Variants in ZDHHC21 observed in about 807,000 individuals in gnomAD.
The protein encoded by ZDHHC21 is zDHHC palmitoyltransferase 21, also known as palmitoyltransferase ZDHHC21.
In ZDHHC21, 15 loss-of-function variants were observed where a neutral mutation model predicts 34.6. That is an observed-to-expected ratio of 0.43 (90% CI 0.29 to 0.67). The LOEUF is 0.67. Ranked by LOEUF, ZDHHC21 falls within the 30% of genes least tolerant of loss-of-function variation. ZDHHC21 has a pLI of 0.14. For missense variants in ZDHHC21, 344 were observed against 327.7 expected (o/e 1.05, Z -0.38); for synonymous variants, 142 against 101.8 (o/e 1.40, Z -2.38).
the ZDHHC21 span, among the ~76,000 whole-genome samples, chr9:14,605,497 C>CT: frequency 6.6e-6 from 1 of 152,120 alleles, no homozygotes; most frequent in East Asian, 1.9e-4. Flanking sequence ...GGAGAAATAT[C>CT]TATTAAAGTC....
At chr9:14,608,363 A>G (rs1210530588), downstream of ZDHHC21, among the ~76,000 whole-genome samples, 1 of 152,184 alleles carries the variant, frequency 6.6e-6, no homozygotes, top group Non-Finnish European at 1.5e-5. Flanking sequence ...ACTAAGAAAG[A>G]TAAATATCAC....
intron 8 of ZDHHC21, among the ~76,000 whole-genome samples, chr9:14,624,297 G>A (rs1220418543): frequency 2.0e-5 from 3 of 151,940 alleles, no homozygotes; most frequent in African/African-American, 7.3e-5. Flanking sequence ...TCCCTGTGGG[G>A]TCCAGAAATC....
intron 7 of ZDHHC21, among the ~76,000 whole-genome samples, chr9:14,640,568 T>A (rs183220619): frequency 6.6e-6 from 1 of 152,232 alleles, no homozygotes. Flanking sequence ...CATTCTTCCA[T>A]CCAGTCACCC....
intron 7 of ZDHHC21, among the ~76,000 whole-genome samples, chr9:14,650,013 C>T (rs957709030): frequency 6.6e-6 from 1 of 151,896 alleles, no homozygotes; most frequent in African/African-American, 2.4e-5. Flanking sequence ...ATAAAAACTG[C>T]TAAATTTTCT....
At chr9:14,678,462 T>G (rs916554886) in intron 3 of ZDHHC21, among the ~76,000 whole-genome samples, 6 of 151,950 alleles carry the variant, frequency 3.9e-5, no homozygotes, top group Non-Finnish European at 8.8e-5. Context: ...CATTACTGAT[T>G]AGGAATTAAC....
At position 14,651,323 on chromosome 9, in the gene ZDHHC21, C is replaced by T. The variant is rs192793054; in HGVS notation, c.504+7426G>A. Among the ~76,000 whole-genome samples the T allele has an allele frequency of 6.1e-3, 932 of 151,804 alleles. 15 individuals carry two copies. Among genetic ancestry groups the T allele is most frequent in the African/African-American group, 0.021 (879 of 41,448 alleles). On this transcript the variant is annotated intron_variant, in intron 7 of 9. Coordinates refer to ENST00000380916, the MANE Select transcript of ZDHHC21 (RefSeq NM_178566.6). ...AATATATTTAATATTATTAATCCTA[C>T]AATAATATTGCTAAAAAATTCCTTG...
At chr9:14,677,532 A>C (rs1836640625) in intron 3 of ZDHHC21, 1 of 152,008 alleles carries the variant, frequency 6.6e-6, no homozygotes, top group East Asian at 1.9e-4. Flanking sequence ...GGTCTTAAGG[A>C]CAGCATTCAT....
Position 14,666,556 on chromosome 9 carries a change from G to C in ZDHHC21, c.254-4230C>G, listed in dbSNP as rs1234286537. ...ATCAACAGAATATACATTTTTTTCAGCACCACACCACACCTATTCCAAAAT... is the reference window on the plus strand; with the variant it reads ...ATCAACAGAATATACATTTTTTTCACCACCACACCACACCTATTCCAAAAT... On this transcript the variant is annotated intron_variant, in intron 5 of 9. Coordinates refer to ENST00000380916, the MANE Select transcript of ZDHHC21 (RefSeq NM_178566.6). Among the ~76,000 whole-genome samples, 383 of 101,608 alleles carry C rather than the reference G, an allele frequency of 3.8e-3. 65 individuals carry two copies. Among genetic ancestry groups the C allele is most frequent in the African/African-American group, 0.011 (340 of 30,720 alleles). 66.7% of individuals were successfully genotyped at this position (101,608 alleles called of 152,430 possible). A position where few individuals can be genotyped will look rare whatever the true frequency, so the allele number is the denominator to read the frequency against.
chr9:14,628,361 T>C (rs1826682610), intron 8 of ZDHHC21, among the ~76,000 whole-genome samples: 1 of 152,212 alleles, frequency 6.6e-6, no homozygotes, highest in African/African-American at 2.4e-5. Flanking sequence ...AAATGATTTA[T>C]TTATTCCAAG....
At chr9:14,681,008 GCAT>G (rs1312830863) in intron 2 of ZDHHC21, among the ~76,000 whole-genome samples, 3 of 152,244 alleles carry the variant, frequency 2.0e-5, no homozygotes, top group Non-Finnish European at 4.4e-5. Context: ...ATAAGCAAAG[GCAT>G]AAAGGCAGGC....
At chr9:14,604,176 G>C in the ZDHHC21 span, among the ~76,000 whole-genome samples, 1 of 152,198 alleles carries the variant, frequency 6.6e-6, no homozygotes, top group Non-Finnish European at 1.5e-5. Flanking sequence ...AAATTGGTTT[G>C]ACTAAAGAGC....
intron 2 of ZDHHC21, among the ~76,000 whole-genome samples, chr9:14,687,563 C>A (rs1473974396): frequency 6.6e-6 from 1 of 150,496 alleles, no homozygotes; most frequent in Non-Finnish European, 1.5e-5. Flanking sequence ...CCCAGCTACT[C>A]GGGAGGCTGA....
chr9:14,609,241 G>C (rs145760585), downstream of ZDHHC21, among the ~76,000 whole-genome samples: 40 of 152,208 alleles, frequency 2.6e-4, no homozygotes, highest in African/African-American at 8.7e-4. Flanking sequence ...TGACAAAATG[G>C]AAGTACACAT....
intron 8 of ZDHHC21, among the ~76,000 whole-genome samples, chr9:14,630,511 T>G (rs1827150258): frequency 6.6e-6 from 1 of 152,208 alleles, no homozygotes; most frequent in Non-Finnish European, 1.5e-5. Flanking sequence ...CCGTTCATAT[T>G]GTTATTTTGG....
chr9:14,660,989 G>A (rs992479143), intron 6 of ZDHHC21, among the ~76,000 whole-genome samples: 1 of 152,108 alleles, frequency 6.6e-6, no homozygotes, highest in East Asian at 1.9e-4. Context: ...AGAGCAAACA[G>A]ATCACTGAGC....
chr9:14,676,970 G>C (rs1836507832), intron 3 of ZDHHC21, among the ~76,000 whole-genome samples: 1 of 151,888 alleles, frequency 6.6e-6, no homozygotes, highest in South Asian at 2.1e-4. Flanking sequence ...GTATATATGA[G>C]AGTAGCTTAA....
Position 14,615,014 on chromosome 9 carries a change from G to T in ZDHHC21, c.*3952C>A, listed in dbSNP as rs1823930090. On this transcript the variant is annotated 3_prime_UTR_variant, in exon 10 of 10. Coordinates refer to ENST00000380916, the MANE Select transcript of ZDHHC21 (RefSeq NM_178566.6). ...AGCAGAGACTAGAGAAAAGTCCAGA[G>T]AGAGACTAGCAGCTCTATTAATTAG... 1 of 151,676 alleles carries T rather than the reference G, an allele frequency of 6.6e-6. No individual in the cohort carries two copies. Among genetic ancestry groups the T allele is most frequent in the Non-Finnish European group, 1.5e-5 (1 of 67,700 alleles). 9.4% of individuals were successfully genotyped at this position (151,676 alleles called of 1,614,324 possible).
rs574297180 is a variant in ZDHHC21, at chr9:14,659,335, A to G, written c.366-448T>C. On this transcript the variant is annotated intron_variant, in intron 6 of 9. Coordinates refer to ENST00000380916, the MANE Select transcript of ZDHHC21 (RefSeq NM_178566.6). ...TGAATGCCCTGAAGTAAACCAGCTG[A>G]AACATACCACTCTGACATAACTGCT... 7.9e-5 allele frequency among the ~76,000 whole-genome samples: 12 copies of G among 152,306 alleles called. No individual in the cohort carries two copies. In the East Asian group the frequency reaches 2.3e-3, roughly 29 times the overall value.
intron 3 of ZDHHC21, among the ~76,000 whole-genome samples, chr9:14,675,929 G>A (rs1020861635): frequency 3.9e-5 from 6 of 151,918 alleles, no homozygotes; most frequent in Admixed American, 3.9e-4. Context: ...AGTAGAAATT[G>A]TGGGAGGTAT....
Sources: allele counts gnomAD v4.1 joint callset (sites outside exome capture counted in the v4.1 genomes callset), GRCh38; gene constraint gnomAD v4.1.1; transcripts MANE v1.5; gene names NCBI Gene and HGNC (gene_info 2026-07-23, HGNC 2026-07-21).